Variants in ZNF346 observed in about 807,000 individuals in gnomAD.
ZNF346 encodes the protein double-stranded RNA-binding zinc finger protein JAZ.
ZNF346 carries 23 observed loss-of-function variants against 33.7 expected under a neutral mutation model. That is an observed-to-expected ratio of 0.68 (90% CI 0.49 to 0.97). The LOEUF is 0.97. Ranked by LOEUF, ZNF346 falls within the 50% of genes least tolerant of loss-of-function variation. ZNF346 has a pLI of 0.00. For missense variants in ZNF346, 340 were observed against 371.1 expected, an observed-to-expected ratio of 0.92 and a Z score of 0.69; for synonymous variants, 134 against 142.4, an observed-to-expected ratio of 0.94 and a Z score of 0.42.
chr5:177,070,804 G>A (rs1415715443), downstream of ZNF346, among the ~76,000 whole-genome samples: 1 of 152,012 alleles, frequency 6.6e-6, no homozygotes, highest in Non-Finnish European at 1.5e-5. Flanking sequence ...AAGTAGCATA[G>A]TGGCTAGAAG....
chr5:177,075,045 G>T (rs1462689108), intron 8 of ZNF346, among the ~76,000 whole-genome samples: 1 of 150,624 alleles, frequency 6.6e-6, no homozygotes, highest in African/African-American at 2.4e-5. Context: ...CAACCTGGGC[G>T]ACAGAGCAAG....
At chr5:177,069,959 G>A (rs1783423667), downstream of ZNF346, among the ~76,000 whole-genome samples, 1 of 152,210 alleles carries the variant, frequency 6.6e-6, no homozygotes, top group Admixed American at 6.5e-5. Flanking sequence ...ACCAAGCCTG[G>A]CCCAGCCATC....
At chr5:177,037,086 T>TGGTTTTGTCAGTTTTGTCC (rs1344313128) in intron 1 of ZNF346, among the ~76,000 whole-genome samples, 3 of 152,200 alleles carry the variant, frequency 2.0e-5, no homozygotes, top group South Asian at 2.1e-4. Context: ...CTGAAGTGGT[T>TGGTTTTGTCAGTTTTGTCC]GGTTTTGTCA....
chr5:177,074,703 G>A (rs561951791), intron 8 of ZNF346, among the ~76,000 whole-genome samples: 4 of 152,284 alleles, frequency 2.6e-5, no homozygotes, highest in South Asian at 2.1e-4. Context: ...GAATGAAAAC[G>A]TTCGCTGAGA....
chr5:177,028,473 C>A (rs988904140), intron 1 of ZNF346, among the ~76,000 whole-genome samples: 3 of 105,172 alleles, frequency 2.9e-5, no homozygotes, highest in African/African-American at 4.4e-5. Flanking sequence ...TTATAAATTT[C>A]TCTCTTAAGC....
intron 1 of ZNF346, among the ~76,000 whole-genome samples, chr5:177,024,647 G>A (rs1331793169): frequency 6.6e-6 from 1 of 152,148 alleles, no homozygotes; most frequent in Non-Finnish European, 1.5e-5. Flanking sequence ...CCCTTGCCCT[G>A]GAAAGGCTTG....
chr5:177,030,636 C>T (rs1428600364), intron 1 of ZNF346, among the ~76,000 whole-genome samples: 5 of 151,862 alleles, frequency 3.3e-5, no homozygotes, highest in East Asian at 2.0e-4. Flanking sequence ...GCTTTATTGA[C>T]GTAAATCTCA....
intron 8 of ZNF346, among the ~76,000 whole-genome samples, chr5:177,078,865 T>A (rs1029491351): frequency 6.6e-6 from 1 of 151,748 alleles, no homozygotes; most frequent in African/African-American, 2.4e-5. Context: ...GCCGAGATCA[T>A]GCCACTGCAC....
chr5:177,041,804 G>A lies in ZNF346; in HGVS notation c.306G>A (p.Lys102=). Residue 102 remains lysine, a synonymous_variant, in exon 3 of 7, where the codon AAG becomes AAA. Transcript: ENST00000358149. The part of the protein sequence containing the change: ...YQSKKHANKV[K]RYLAIHGMET... Reference sequence around the variant, plus strand: ...GCAAAAAACATGCCAACAAAGTGAAGAGATACCTAGCAATCCATGGAATGG... The same window carrying A: ...GCAAAAAACATGCCAACAAAGTGAAAAGATACCTAGCAATCCATGGAATGG... 1 of 1,613,636 alleles carries A rather than the reference G, an allele frequency of 6.2e-7. No individual in the cohort carries two copies.
At chr5:177,036,046 C>T (rs1014381445) in intron 1 of ZNF346, among the ~76,000 whole-genome samples, 13 of 151,512 alleles carry the variant, frequency 8.6e-5, no homozygotes, top group African/African-American at 3.2e-4. Flanking sequence ...TTGGGAAAGG[C>T]TTGGCTGGAT....
downstream of ZNF346, among the ~76,000 whole-genome samples, chr5:177,070,952 A>G (rs927462717): frequency 6.6e-6 from 1 of 152,204 alleles, no homozygotes; most frequent in African/African-American, 2.4e-5. Context: ...CATGCATGAA[A>G]TGGAACCAAG....
In ZNF346 at chr5:177,023,089, G is replaced by C. The variant is rs532567505; in HGVS notation, c.175+176G>C. The C allele has an allele frequency of 3.5e-6, 5 of 1,446,434 alleles. No individual in the cohort carries two copies. The South Asian group carries it at 3.7e-5, about 11-fold the overall frequency. The allele number at this position is 1,446,434 out of a possible 1,614,324, so 89.6% of individuals were successfully genotyped here. A position where few individuals can be genotyped will look rare whatever the true frequency, so the allele number is the denominator to read the frequency against. On this transcript the variant is annotated intron_variant, in intron 1 of 6. Coordinates refer to ENST00000358149, the MANE Select transcript of ZNF346 (RefSeq NM_012279.4). ...GCACCCCAAGAATCGGGCCCCCAGCGCGCTGAGGGTGAAGGGCCGCTCACG... is the reference window on the plus strand; with the variant it reads ...GCACCCCAAGAATCGGGCCCCCAGCCCGCTGAGGGTGAAGGGCCGCTCACG...
chr5:177,042,592 T>C (rs1779476766), intron 3 of ZNF346, among the ~76,000 whole-genome samples: 1 of 152,194 alleles, frequency 6.6e-6, no homozygotes, highest in African/African-American at 2.4e-5. Flanking sequence ...AAGAGTTTAC[T>C]CTATAGACTG....
At position 177,050,911 on chromosome 5, in the gene ZNF346, G is replaced by A. The variant is rs370077874; in HGVS notation, c.678G>A (p.Ala226=). The change falls in exon 5 of 7, where the codon GCG becomes GCA. Residue 226 remains alanine (A), a synonymous_variant. Transcript: ENST00000358149. ...LKLMARYGRL[A]DPAVTDFPAG... The stretch of plus-strand genomic sequence containing the variant: ...TAATGGCACGCTATGGGCGGCTGGC[G>A]GACCCTGCTGTCACTGACTTTCCAG... 21 of 1,614,016 alleles carry A rather than the reference G, an allele frequency of 1.3e-5. No individual in the cohort carries two copies. The highest frequency in any genetic ancestry group is 4.0e-5 in the African/African-American group (3 of 74,922).
At chr5:177,057,048 C>T (rs577460655) in intron 5 of ZNF346, among the ~76,000 whole-genome samples, 2 of 152,266 alleles carry the variant, frequency 1.3e-5, no homozygotes, top group South Asian at 2.1e-4. Context: ...TGATGGCTCA[C>T]GCCTGTAATC....
intron 5 of ZNF346, among the ~76,000 whole-genome samples, chr5:177,056,795 T>TAGG (rs1282777789): frequency 2.0e-5 from 3 of 151,182 alleles, no homozygotes; most frequent in African/African-American, 7.3e-5. Context: ...GGGATAGCAT[T>TAGG]AGGAGATATA....
rs1162055242 is a variant in ZNF346, at chr5:177,053,331, A to AC, written c.703+2395_703+2396insC. On this transcript the variant is annotated intron_variant, in intron 5 of 6. Transcript: ENST00000358149. ...AGACTTCATCTCAAAAAAAAAAAAA[A>AC]AAAAAAACAGGGTCTCTGTATGTTG... Among the ~76,000 whole-genome samples, 4 of 151,314 alleles carry AC rather than the reference A, an allele frequency of 2.6e-5. No homozygotes were observed. The East Asian group carries it at 5.8e-4, about 22-fold the overall frequency.
intron 4 of ZNF346, among the ~76,000 whole-genome samples, chr5:177,046,528 A>G (rs1429614296): frequency 6.6e-6 from 1 of 152,168 alleles, no homozygotes; most frequent in Non-Finnish European, 1.5e-5. Flanking sequence ...GCTTAAGCAC[A>G]TTTCCATGTT....
chr5:177,025,077 G>A (rs559634039), intron 1 of ZNF346, among the ~76,000 whole-genome samples: 4 of 152,198 alleles, frequency 2.6e-5, no homozygotes, highest in South Asian at 4.1e-4. Flanking sequence ...GAACATTTCC[G>A]TCACCCCAAT....
Sources: gnomAD v4.1 joint callset for allele counts (sites outside exome capture counted in the v4.1 genomes callset) on GRCh38, gnomAD v4.1.1 for gene constraint, MANE v1.5 for transcripts, NCBI Gene and HGNC (gene_info 2026-07-23, HGNC 2026-07-21) for gene names.